MYRIP: variants seen among roughly 807,000 people sequenced by gnomAD.
The protein encoded by MYRIP is myosin VIIA and Rab interacting protein, also known as rab effector MyRIP.
MYRIP carries 49 observed loss-of-function variants against 98.0 expected under a neutral mutation model. The observed-to-expected ratio is 0.50, with a 90% CI of 0.40 to 0.63. The LOEUF (loss-of-function observed/expected upper bound fraction) is 0.63, where lower values mean the gene tolerates loss of function less well. Among genes scored for constraint, MYRIP ranks in the 30% least tolerant of loss-of-function variants. The pLI is 0.00. For missense variants in MYRIP, 1,004 were observed against 1,058.2 expected (o/e 0.95, Z 0.71); for synonymous variants, 404 against 409.5 (o/e 0.99, Z 0.16).
At chr3:40,071,781 A>T (rs1040896551) in intron 3 of MYRIP, among the ~76,000 whole-genome samples, 11 of 152,176 alleles carry the variant, frequency 7.2e-5, no homozygotes, top group Non-Finnish European at 1.2e-4. Context: ...GGACATATAA[A>T]AGAGTTGTCT....
rs150595599 is a variant in MYRIP at position 40,192,308 on chromosome 3, T to TCATATATATATGA, written c.1665+1856_1665+1857insGACATATATATAT. ...CATTTACTGCGGCAGTTAGTTTTCT[T>TCATATATATATGA]CATATATATATATATATGTCATATA... On this transcript the variant is annotated intron_variant, in intron 10 of 16. Transcript: ENST00000302541. 6.9e-4 allele frequency among the ~76,000 whole-genome samples: 30 copies of TCATATATATATGA among 43,292 alleles called. 4 individuals are homozygous for TCATATATATATGA. Among genetic ancestry groups the TCATATATATATGA allele is most frequent in the East Asian group, 5.4e-3 (10 of 1,864 alleles). The allele number at this position is 43,292 out of a possible 152,430, so 28.4% of individuals were successfully genotyped here.
intron 16 of MYRIP, 137 bp from the exon 17 acceptor site, chr3:40,257,997 T>C (rs956870516): frequency 6.1e-5 from 55 of 904,672 alleles, no homozygotes; most frequent in Non-Finnish European, 2.0e-5. Context: ...CATCAGTTTC[T>C]AAATGTTGTG....
chr3:40,100,374 C>T lies in MYRIP; in HGVS notation c.333-50674C>T, dbSNP rs1365141039. The T allele has an allele frequency of 6.9e-6, 5 of 726,838 alleles. No individual in the cohort carries two copies. In the South Asian group the frequency reaches 1.9e-4, roughly 27 times the overall value. The allele number at this position is 726,838 out of a possible 1,614,324, so 45.0% of individuals were successfully genotyped here. ...TTTTCATTGATGTTTTGCAACAGAA[C>T]TATGTCAATTTTGTCCTATTTTGTA... On this transcript the variant is annotated intron_variant, in intron 3 of 16. Transcript: ENST00000302541.
chr3:40,243,119 T>C (rs962933524), intron 12 of MYRIP, among the ~76,000 whole-genome samples: 1 of 152,186 alleles, frequency 6.6e-6, no homozygotes, highest in Non-Finnish European at 1.5e-5. Flanking sequence ...AGTGTGGCAA[T>C]TCCCATCAGA....
At position 40,084,700 on chromosome 3, in the gene MYRIP, G is replaced by A. The variant is rs370357932; in HGVS notation, c.332+40429G>A. On this transcript the variant is annotated intron_variant, in intron 3 of 16. Transcript: ENST00000302541. ...AGATAATATCTATGTATTACATATCGATAGATAATATGTATCTATGTATTA... is the reference window on the plus strand; with the variant it reads ...AGATAATATCTATGTATTACATATCAATAGATAATATGTATCTATGTATTA... 1.6e-3 allele frequency among the ~76,000 whole-genome samples: 243 copies of A among 147,816 alleles called. 54 individuals carry two copies. The East Asian group carries it at 0.046, about 28-fold the overall frequency.
intron 2 of MYRIP, among the ~76,000 whole-genome samples, chr3:40,012,165 G>C (rs371411915): frequency 2.0e-5 from 3 of 151,984 alleles, no homozygotes; most frequent in Non-Finnish European, 2.9e-5. Context: ...TTCTTTTTAC[G>C]GTTTATCTCA....
At chr3:40,244,390 C>T (rs1953117605) in intron 12 of MYRIP, 56 bp from the exon 13 acceptor site, 1 of 1,525,338 alleles carries the variant, frequency 6.6e-7, no homozygotes, top group Non-Finnish European at 8.8e-7. Context: ...CTCAAGGGAC[C>T]CCCAACCAGT....
chr3:40,164,540 A>T (rs960136672), intron 5 of MYRIP, among the ~76,000 whole-genome samples: 1 of 152,210 alleles, frequency 6.6e-6, no homozygotes, highest in Non-Finnish European at 1.5e-5. Context: ...AAGTCAACTG[A>T]CTGTAGATGT....
intron 2 of MYRIP, among the ~76,000 whole-genome samples, chr3:40,029,059 A>G (rs1212583511): frequency 1.3e-5 from 2 of 152,166 alleles, no homozygotes; most frequent in Admixed American, 1.3e-4. Context: ...ACAGAGCTTT[A>G]TGATCCCCAA....
intron 3 of MYRIP, among the ~76,000 whole-genome samples, chr3:40,044,808 C>T (rs1346651666): frequency 6.6e-6 from 1 of 151,884 alleles, no homozygotes; most frequent in African/African-American, 2.4e-5. Flanking sequence ...TCATAGAGGA[C>T]AAGAAATAAA....
At chr3:40,082,561 T>C (rs1948501263) in intron 3 of MYRIP, among the ~76,000 whole-genome samples, 1 of 152,212 alleles carries the variant, frequency 6.6e-6, no homozygotes, top group African/African-American at 2.4e-5. Flanking sequence ...ACAAATCATC[T>C]CTCTAGCATT....
chr3:40,045,302 T>G (rs1217567855), intron 3 of MYRIP, among the ~76,000 whole-genome samples: 1 of 152,138 alleles, frequency 6.6e-6, no homozygotes, highest in South Asian at 2.1e-4. Context: ...TATATATTCA[T>G]ATTCATTCCA....
chr3:40,213,910 G>A (rs1952037813), intron 11 of MYRIP, among the ~76,000 whole-genome samples: 2 of 152,184 alleles, frequency 1.3e-5, no homozygotes, highest in African/African-American at 4.8e-5. Context: ...CGGTTGGGAT[G>A]GTGACTCTGA....
chr3:40,043,901 T>G (rs1041817422), intron 2 of MYRIP, 149 bp from the exon 3 acceptor site: 1 of 639,590 alleles, frequency 1.6e-6, no homozygotes, highest in African/African-American at 1.8e-5. Flanking sequence ...GTTGAGCAGT[T>G]GATCTTTCTG....
chr3:39,926,064 T>C (rs1438384615), intron 2 of MYRIP, among the ~76,000 whole-genome samples: 1 of 152,160 alleles, frequency 6.6e-6, no homozygotes, highest in African/African-American at 2.4e-5. Context: ...TGGTTTTGAT[T>C]TGTATTTCTC....
At chr3:40,040,321 A>T (rs986550678) in intron 2 of MYRIP, among the ~76,000 whole-genome samples, 2 of 143,062 alleles carry the variant, frequency 1.4e-5, no homozygotes, top group African/African-American at 2.6e-5. Flanking sequence ...TTAAAAAGTC[A>T]GGAAACAACA....
At chr3:39,881,916 G>T (rs181119076) in intron 1 of MYRIP, among the ~76,000 whole-genome samples, 1 of 149,946 alleles carries the variant, frequency 6.7e-6, no homozygotes, top group African/African-American at 2.5e-5. Context: ...TCGTTTCTTC[G>T]TCCCTGAGCA....
chr3:40,205,864 T>G (rs1286000942), intron 10 of MYRIP, among the ~76,000 whole-genome samples: 1 of 152,118 alleles, frequency 6.6e-6, no homozygotes, highest in Non-Finnish European at 1.5e-5. Context: ...GGTTCCCAAC[T>G]GGCTTTAAAC....
intron 10 of MYRIP, among the ~76,000 whole-genome samples, chr3:40,203,957 T>TAAA (rs1645162119): frequency 1.2e-4 from 1 of 8,330 alleles, no homozygotes; most frequent in Non-Finnish European, 1.9e-4. Context: ...ATATTATATA[T>TAAA]TATATACATT....
Sources: gnomAD v4.1 joint callset for allele counts (sites outside exome capture counted in the v4.1 genomes callset) on GRCh38, gnomAD v4.1.1 for gene constraint, MANE v1.5 for transcripts, NCBI Gene and HGNC (gene_info 2026-07-23, HGNC 2026-07-21) for gene names.